The following FANK1 variants were observed in gnomAD, a reference collection of about 807,000 sequenced individuals.
FANK1 encodes fibronectin type 3 and ankyrin repeat domains protein 1.
A neutral mutation model predicts 45.3 loss-of-function variants in FANK1; 44 were observed. That is an observed-to-expected ratio of 0.97 (90% CI 0.76 to 1.25). FANK1 has a LOEUF of 1.25. Ranked by LOEUF, FANK1 falls within the 50% of genes most tolerant of loss-of-function variation. The pLI, the probability that FANK1 is intolerant of heterozygous loss-of-function variation, is 0.00. For synonymous variants in FANK1, 149 were observed against 152.5 expected (o/e 0.98, Z 0.17); for missense variants, 391 against 424.4 (o/e 0.92, Z 0.69).
At chr10:125,897,562 T>C (rs77696917) in intron 1 of FANK1, among the ~76,000 whole-genome samples, 1 of 152,296 alleles carries the variant, frequency 6.6e-6, no homozygotes, top group Non-Finnish European at 1.5e-5. Context: ...ACCAAATCTA[T>C]TCTCTGGGGA....
chr10:125,913,009 A>G (rs531871935), intron 1 of FANK1, among the ~76,000 whole-genome samples: 1 of 152,240 alleles, frequency 6.6e-6, no homozygotes, highest in Non-Finnish European at 1.5e-5. Context: ...AAACCACAAA[A>G]TTATGTATCA....
chr10:125,981,316 T>A (rs1453692834), intron 2 of FANK1, among the ~76,000 whole-genome samples: 1 of 152,110 alleles, frequency 6.6e-6, no homozygotes, highest in African/African-American at 2.4e-5. Flanking sequence ...AAGACCAGCC[T>A]AGGCAACATA....
chr10:125,989,741 A>G (rs1046582014), intron 3 of FANK1, among the ~76,000 whole-genome samples: 4 of 152,238 alleles, frequency 2.6e-5, no homozygotes, highest in African/African-American at 9.6e-5. Flanking sequence ...TTGCTGTAAC[A>G]TGGAAGGTAC....
intron 1 of FANK1, among the ~76,000 whole-genome samples, chr10:125,955,406 A>G (rs193203219): frequency 6.6e-6 from 1 of 152,278 alleles, no homozygotes; most frequent in Admixed American, 6.5e-5. Context: ...TTCCAGCTCC[A>G]TCTATGTCCC....
At chr10:126,007,055 CAT>C (rs1359522012) in intron 7 of FANK1, 1 of 152,254 alleles carries the variant, frequency 6.6e-6, no homozygotes, top group Non-Finnish European at 1.5e-5. Flanking sequence ...TAGATTTCCA[CAT>C]GACTGGCCTG....
chr10:125,982,006 A>T (rs1050054796), intron 2 of FANK1, among the ~76,000 whole-genome samples: 1 of 152,246 alleles, frequency 6.6e-6, no homozygotes, highest in Non-Finnish European at 1.5e-5. Context: ...GTACCTTAAG[A>T]AAAATCTGAA....
chr10:125,976,102 G>C (rs945826120), intron 1 of FANK1, among the ~76,000 whole-genome samples: 1 of 150,648 alleles, frequency 6.6e-6, no homozygotes, highest in Non-Finnish European at 1.5e-5. Flanking sequence ...GGCAGGATAT[G>C]AAATTATTGG....
rs138897921 is a variant in FANK1, at chr10:126,009,250, G to A, written c.956G>A (p.Arg319Lys). 303 of 1,614,194 alleles carry A rather than the reference G, an allele frequency of 1.9e-4. 1 individual carries two copies. The African/African-American group carries it at 3.8e-3, about 20-fold the overall frequency. ...GGCAAAGGTGTCCTAGAAATGGCCA[G>A]AGTTTTTGACAGACAGGTTGGGATG... The part of the protein sequence containing the change: ...EFGKGVLEMA[R>K]VFDRQSVVSL... The change falls in exon 10 of 11, where the codon AGA becomes AAA. Residue 319 changes from arginine (R) to lysine (K), a missense_variant. By Grantham distance (26) the Arg-to-Lys change is conservative. Transcript: ENST00000368693.
At chr10:126,003,735 G>A (rs1952955738) in intron 6 of FANK1, among the ~76,000 whole-genome samples, 1 of 151,924 alleles carries the variant, frequency 6.6e-6, no homozygotes, top group Non-Finnish European at 1.5e-5. Context: ...GAGTGCAGTG[G>A]CATGATCTCG....
intron 1 of FANK1, 149 bp from the exon 2 acceptor site, chr10:125,980,012 G>C: frequency 1.3e-6 from 1 of 755,368 alleles, no homozygotes; most frequent in Non-Finnish European, 2.1e-6. Flanking sequence ...AGCTTTTCAG[G>C]GGTTCTTTAA....
chr10:125,989,483 A>G (rs1198404996), intron 3 of FANK1: 2 of 919,374 alleles, frequency 2.2e-6, no homozygotes, highest in Admixed American at 2.0e-5. Flanking sequence ...TGTGTCCTTT[A>G]GGCATTTCTT....
At chr10:125,988,492 T>C in intron 2 of FANK1, 59 bp from the exon 3 acceptor site, 2 of 1,585,882 alleles carry the variant, frequency 1.3e-6, no homozygotes, top group Non-Finnish European at 1.7e-6. Flanking sequence ...TGCTGTCTTA[T>C]CAGAGAGTGC....
intron 3 of FANK1, 81 bp downstream of exon 3, chr10:125,988,756 T>C (rs761095605): frequency 9.3e-6 from 15 of 1,604,654 alleles, no homozygotes; most frequent in Non-Finnish European, 1.3e-5. Context: ...ATTCTGCCTC[T>C]CGTTTGGCCT....
chr10:125,977,396 G>A (rs1371318222), intron 1 of FANK1, among the ~76,000 whole-genome samples: 1 of 152,210 alleles, frequency 6.6e-6, no homozygotes. Context: ...GTGTGATCCA[G>A]TAGGTGGCGC....
At chr10:125,914,292 T>TATATATATA (rs58995936) in intron 1 of FANK1, among the ~76,000 whole-genome samples, 1 of 150,738 alleles carries the variant, frequency 6.6e-6, no homozygotes, top group African/African-American at 2.5e-5. Context: ...TATATATATA[T>TATATATATA]TTAAAAAGTC....
At chr10:125,916,281 C>A (rs1589835053) in intron 1 of FANK1, among the ~76,000 whole-genome samples, 1 of 152,148 alleles carries the variant, frequency 6.6e-6, no homozygotes, top group Non-Finnish European at 1.5e-5. Flanking sequence ...CCTGCCTTGG[C>A]CTCCCAAAGT....
chr10:125,963,093 T>A (rs1371612433), intron 1 of FANK1, among the ~76,000 whole-genome samples: 1 of 151,892 alleles, frequency 6.6e-6, no homozygotes, highest in Non-Finnish European at 1.5e-5. Flanking sequence ...TTCAAGCGAT[T>A]CTGCCTCAGC....
chr10:125,987,036 G>T (rs1951606928), intron 2 of FANK1, among the ~76,000 whole-genome samples: 1 of 152,200 alleles, frequency 6.6e-6, no homozygotes, highest in Admixed American at 6.5e-5. Flanking sequence ...ATCCAGATCT[G>T]AAGTCAGGTT....
chr10:125,975,965 G>C (rs116674999), intron 1 of FANK1, among the ~76,000 whole-genome samples: 1 of 152,026 alleles, frequency 6.6e-6, no homozygotes, highest in Non-Finnish European at 1.5e-5. Flanking sequence ...AGCTGGTAGC[G>C]GTCTTTCCTT....
Sources: gnomAD v4.1 joint callset for allele counts (sites outside exome capture counted in the v4.1 genomes callset) on GRCh38, gnomAD v4.1.1 for gene constraint, MANE v1.5 for transcripts, NCBI Gene and HGNC (gene_info 2026-07-23, HGNC 2026-07-21) for gene names.